GPR39: variants seen among roughly 807,000 people sequenced by gnomAD.
GPR39 encodes zinc sensing receptor.
A neutral mutation model predicts 18.4 loss-of-function variants in GPR39; 23 were observed. That is an observed-to-expected ratio of 1.25 (90% CI 0.90 to 1.77). The LOEUF is 1.77. Among genes scored for constraint, GPR39 ranks in the 40% most tolerant of loss-of-function variants. GPR39 has a pLI of 0.00. For synonymous variants in GPR39, 280 were observed against 257.9 expected (o/e 1.09, Z -0.82); for missense variants, 647 against 602.4 (o/e 1.07, Z -0.78).
At chr2:132,472,651 C>T (rs1303906946) in intron 1 of GPR39, among the ~76,000 whole-genome samples, 2 of 152,132 alleles carry the variant, frequency 1.3e-5, no homozygotes, top group Non-Finnish European at 2.9e-5. Flanking sequence ...AGGTAAGTGA[C>T]ATGGTAGTGA....
In GPR39 at chr2:132,645,821, C is replaced by T. The variant is rs905298736; in HGVS notation, c.*215C>T. 2.9e-6 allele frequency: 2 copies of T among 686,838 alleles called. No individual in the cohort carries two copies. The highest frequency in any genetic ancestry group is 4.8e-6 in the Non-Finnish European group (2 of 420,662). 42.5% of individuals were successfully genotyped at this position (686,838 alleles called of 1,614,324 possible). On this transcript the variant is annotated 3_prime_UTR_variant, in exon 2 of 2. Coordinates refer to ENST00000329321, the MANE Select transcript of GPR39 (RefSeq NM_001508.3). ...ACAGACATGGGGGTGAACTTTCACT[C>T]CACCTCCTTCCTTCAAGTACATACT...
intron 1 of GPR39, among the ~76,000 whole-genome samples, chr2:132,626,955 T>TTCCTGTGCATTGGCACAATG (rs1681554558): frequency 6.6e-6 from 1 of 152,254 alleles, no homozygotes; most frequent in Non-Finnish European, 1.5e-5. Context: ...TTTCTCCTTC[T>TTCCTGTGCATTGGCACAATG]CACAATGTTA....
At chr2:132,554,819 C>A (rs891804519) in intron 1 of GPR39, among the ~76,000 whole-genome samples, 1 of 152,160 alleles carries the variant, frequency 6.6e-6, no homozygotes. Flanking sequence ...ATAAGTAATG[C>A]TTTACAAACT....
At chr2:132,510,077 A>G (rs997517614) in intron 1 of GPR39, among the ~76,000 whole-genome samples, 1 of 152,232 alleles carries the variant, frequency 6.6e-6, no homozygotes, top group African/African-American at 2.4e-5. Context: ...AGCCATTGGC[A>G]TGGATCAAAT....
intron 1 of GPR39, among the ~76,000 whole-genome samples, chr2:132,550,563 A>G (rs78276258): frequency 2.5e-3 from 384 of 152,350 alleles, no homozygotes; most frequent in South Asian, 4.6e-3. Flanking sequence ...TGTCAACTGT[A>G]GTGGCTGGAA....
intron 1 of GPR39, among the ~76,000 whole-genome samples, chr2:132,577,070 T>C (rs1317677156): frequency 6.6e-6 from 1 of 152,004 alleles, no homozygotes; most frequent in Non-Finnish European, 1.5e-5. Context: ...AAAACTGTTT[T>C]TGGGGCTGGG....
chr2:132,447,100 G>T (rs1484916001), intron 1 of GPR39, among the ~76,000 whole-genome samples: 1 of 152,178 alleles, frequency 6.6e-6, no homozygotes, highest in African/African-American at 2.4e-5. Flanking sequence ...AGCAGAATCT[G>T]AGTAGCGGGC....
intron 1 of GPR39, among the ~76,000 whole-genome samples, chr2:132,596,711 T>A (rs1558852764): frequency 6.6e-6 from 1 of 152,350 alleles, no homozygotes; most frequent in East Asian, 1.9e-4. Flanking sequence ...GCCCAAATGC[T>A]TCTTAGCCTT....
intron 1 of GPR39, among the ~76,000 whole-genome samples, chr2:132,569,047 A>G (rs1292241511): frequency 1.3e-5 from 2 of 152,080 alleles, no homozygotes; most frequent in African/African-American, 4.8e-5. Context: ...CATCTTTACA[A>G]TGGGACTAGC....
At chr2:132,474,426 G>A (rs1011804873) in intron 1 of GPR39, among the ~76,000 whole-genome samples, 1 of 152,208 alleles carries the variant, frequency 6.6e-6, no homozygotes, top group African/African-American at 2.4e-5. Flanking sequence ...ACTGTAGGAC[G>A]TGGCTAATAT....
chr2:132,564,052 T>C (rs1309872122), intron 1 of GPR39, among the ~76,000 whole-genome samples: 1 of 152,166 alleles, frequency 6.6e-6, no homozygotes, highest in Non-Finnish European at 1.5e-5. Context: ...AACAGCCCAT[T>C]TCACCTTGAA....
chr2:132,446,881 C>G (rs540292717), intron 1 of GPR39, among the ~76,000 whole-genome samples: 6 of 152,052 alleles, frequency 3.9e-5, no homozygotes, highest in African/African-American at 1.2e-4. Context: ...TATGCAGAGA[C>G]AAGTGTGCAA....
chr2:132,588,717 T>G (rs1243834790), intron 1 of GPR39, among the ~76,000 whole-genome samples: 1 of 152,200 alleles, frequency 6.6e-6, no homozygotes, highest in Non-Finnish European at 1.5e-5. Flanking sequence ...AGAAGCTGCA[T>G]CTTTTCAGAC....
chr2:132,541,767 C>A (rs1030307861), intron 1 of GPR39, among the ~76,000 whole-genome samples: 4 of 152,166 alleles, frequency 2.6e-5, no homozygotes, highest in African/African-American at 9.7e-5. Context: ...TTGGTGACAT[C>A]AGCAAAGTAG....
At chr2:132,643,419 T>G (rs7558730) in intron 1 of GPR39, among the ~76,000 whole-genome samples, 86,694 of 152,098 alleles carry the variant, frequency 0.57, 26,721 homozygotes, top group African/African-American at 0.82. Context: ...TGAACACAGC[T>G]AGGGTCCCCT....
At position 132,635,205 on chromosome 2, in the gene GPR39, C is replaced by T. The variant is rs189973428; in HGVS notation, c.857-9896C>T. Among the ~76,000 whole-genome samples, 14 of 152,240 alleles carry T rather than the reference C, an allele frequency of 9.2e-5. No homozygotes were observed. The East Asian group carries it at 2.7e-3, about 29-fold the overall frequency. On this transcript the variant is annotated intron_variant, in intron 1 of 1. Transcript: ENST00000329321. ...CAGAGAAGCTGGCTTCAAATGGATTCCATAGAGGTTCACCAGAGCCCCTCA... is the reference window on the plus strand; with the variant it reads ...CAGAGAAGCTGGCTTCAAATGGATTTCATAGAGGTTCACCAGAGCCCCTCA...
chr2:132,595,237 A>G (rs1166334861), intron 1 of GPR39, among the ~76,000 whole-genome samples: 3 of 152,066 alleles, frequency 2.0e-5, no homozygotes, highest in African/African-American at 7.2e-5. Context: ...TGACCTCATG[A>G]TCTGCCCACC....
intron 1 of GPR39, among the ~76,000 whole-genome samples, chr2:132,584,700 A>G (rs1475086004): frequency 6.6e-6 from 1 of 152,208 alleles, no homozygotes; most frequent in African/African-American, 2.4e-5. Flanking sequence ...AGAGGCTTCT[A>G]AGAAAAAAAC....
intron 1 of GPR39, among the ~76,000 whole-genome samples, chr2:132,600,146 A>G (rs992238275): frequency 1.3e-5 from 2 of 152,242 alleles, no homozygotes; most frequent in African/African-American, 4.8e-5. Context: ...ATGTCCCTGA[A>G]CAACCAGTGA....
Sources: allele counts gnomAD v4.1 joint callset (sites outside exome capture counted in the v4.1 genomes callset), GRCh38; gene constraint gnomAD v4.1.1; transcripts MANE v1.5; gene names NCBI Gene and HGNC (gene_info 2026-07-23, HGNC 2026-07-21).